Variants in ITGAD observed in about 807,000 individuals in gnomAD.
ITGAD encodes integrin alpha-D.
ITGAD carries 105 observed loss-of-function variants against 139.0 expected under a neutral mutation model. The observed-to-expected ratio is 0.76, with a 90% CI of 0.65 to 0.89. The LOEUF (loss-of-function observed/expected upper bound fraction) is 0.89. Among genes scored for constraint, ITGAD ranks in the 40% least tolerant of loss-of-function variants. ITGAD has a pLI of 0.00. For missense variants in ITGAD, 1,384 were observed against 1,487.3 expected, an observed-to-expected ratio of 0.93 and a Z score of 1.14; for synonymous variants, 569 against 598.3, an observed-to-expected ratio of 0.95 and a Z score of 0.71.
intron 20 of ITGAD, among the ~76,000 whole-genome samples, chr16:31,417,246 T>TTATG (rs2081915153): frequency 6.7e-6 from 1 of 148,636 alleles, no homozygotes; most frequent in South Asian, 2.1e-4. Context: ...ATTTATTTAT[T>TTATG]TATTTATTTT....
chr16:31,399,899 C>A (rs1435921813), intron 5 of ITGAD, among the ~76,000 whole-genome samples: 1 of 152,124 alleles, frequency 6.6e-6, no homozygotes, highest in Non-Finnish European at 1.5e-5. Flanking sequence ...GATATGAAAA[C>A]CAAGGTTCAG....
chr16:31,423,731 C>T (rs1445495567), intron 26 of ITGAD, 83 bp downstream of exon 26: 8 of 1,518,654 alleles, frequency 5.3e-6, no homozygotes, highest in East Asian at 2.3e-5. Flanking sequence ...CACAGAGTTC[C>T]GTGCATGTCC....
At chr16:31,410,248 G>A in intron 10 of ITGAD, 147 bp from the exon 11 acceptor site, 1 of 1,060,928 alleles carries the variant, frequency 9.4e-7, no homozygotes, top group Non-Finnish European at 1.4e-6. Context: ...TGTGGGGACA[G>A]GCAGAGGCAC....
intron 10 of ITGAD, among the ~76,000 whole-genome samples, chr16:31,409,888 T>C (rs4889655): frequency 0.63 from 90,347 of 143,566 alleles, 28,301 homozygotes; most frequent in Middle Eastern, 0.73. Flanking sequence ...TCACAGCCTG[T>C]GTGACAGAGC....
At position 31,424,142 on chromosome 16, in the gene ITGAD, T is replaced by G. The variant is rs1032505965; in HGVS notation, c.3200T>G (p.Ile1067Ser). The change falls in exon 28 of 30, where the codon ATT becomes AGT. Residue 1067 changes from isoleucine to serine, a missense_variant. By Grantham distance (142) the Ile-to-Ser change is moderately radical. Transcript: ENST00000389202. ...KKVLVVSVAE[I>S]TFDTSVYSQL... ...GTGTTGGTCGTGAGTGTGGCTGAAA[T>G]TACGTTCGACACATCCGTGTACTCC... 1.9e-6 allele frequency: 3 copies of G among 1,614,152 alleles called. No homozygotes were observed. The highest frequency in any genetic ancestry group is 1.6e-4 in the Middle Eastern group (1 of 6,062).
chr16:31,403,564 G>C lies in ITGAD; in HGVS notation c.623G>C (p.Ser208Thr). ...TTCACCTTCACCCAATTCCGGACCA[G>C]CCCGAGCCAGCAGAGCCTGGTGGAT... ...IHFTFTQFRT[S>T]PSQQSLVDPI... The change falls in exon 7 of 30, where the codon AGC (serine) becomes ACC (threonine). Residue 208 changes from serine (S) to threonine (T), a missense_variant. Physicochemically the swap from Ser to Thr is moderately conservative, Grantham distance 58. Coordinates refer to ENST00000389202, the MANE Select transcript of ITGAD (RefSeq NM_005353.3). The surrounding 1 kb of genome is among the most constrained non-coding windows in gnomAD (Gnocchi z 4.4). The C allele has an allele frequency of 6.2e-7, 1 of 1,614,168 alleles. No individual in the cohort carries two copies. The highest frequency in any genetic ancestry group is 8.5e-7 in the Non-Finnish European group (1 of 1,180,036).
rs1004477916 is a variant in ITGAD, at chr16:31,418,168, C to T, written c.2593C>T (p.Pro865Ser). Residue 865 changes from proline to serine, a missense_variant, in exon 21 of 30, where the codon CCC becomes TCC. By Grantham distance (74) the Pro-to-Ser change is moderately conservative. Transcript: ENST00000389202. ...LRSSRCSVNHPIFHEGSNGTF... is the reference protein window; with the variant it reads ...LRSSRCSVNHSIFHEGSNGTF... ...AAGCAGCCGCTGCAGTGTCAACCAC[C>T]CCATCTTCCATGAGGGCTCTAACGT... The T allele has an allele frequency of 1.9e-6, 3 of 1,614,068 alleles. No homozygotes were observed. The highest frequency in any genetic ancestry group is 1.7e-5 in the Admixed American group (1 of 60,026).
chr16:31,399,760 C>A (rs1301657579), intron 5 of ITGAD, among the ~76,000 whole-genome samples: 2 of 152,070 alleles, frequency 1.3e-5, no homozygotes, highest in African/African-American at 4.8e-5. Flanking sequence ...GGGTGTGGGT[C>A]CAAGTAGAAG....
Position 31,403,304 on chromosome 16 carries a change from T to C in ITGAD, c.559-196T>C. 1 of 595,198 alleles carries C rather than the reference T, an allele frequency of 1.7e-6. No homozygotes were observed. The highest frequency in any genetic ancestry group is 2.9e-6 in the Non-Finnish European group (1 of 345,538). The allele number at this position is 595,198 out of a possible 1,614,324, so 36.9% of individuals were successfully genotyped here. ...GCCTGGGCAACATAGTGAGACCTTG[T>C]CTCTACCAAAAACAAAACAAAACAA... On this transcript the variant is annotated intron_variant, in intron 6 of 29. Transcript: ENST00000389202. The surrounding 1 kb of genome is among the most constrained non-coding windows in gnomAD (Gnocchi z 4.4).
Position 31,408,578 on chromosome 16 carries a change from C to T in ITGAD, c.1083+80C>T, listed in dbSNP as rs1042382099. On this transcript the variant is annotated intron_variant, in intron 10 of 29. Coordinates refer to ENST00000389202, the MANE Select transcript of ITGAD (RefSeq NM_005353.3). ...CCTGGGCTGGGGGCTGGGAGCCAGACATAAACAAGAGCAGACCCCATCCTC... is the reference window on the plus strand; with the variant it reads ...CCTGGGCTGGGGGCTGGGAGCCAGATATAAACAAGAGCAGACCCCATCCTC... 11 of 1,292,416 alleles carry T rather than the reference C, an allele frequency of 8.5e-6. 1 individual carries two copies. In the African/African-American group the frequency reaches 1.6e-4, roughly 19 times the overall value. The allele number at this position is 1,292,416 out of a possible 1,614,324, so 80.1% of individuals were successfully genotyped here. A position where few individuals can be genotyped will look rare whatever the true frequency, so the allele number is the denominator to read the frequency against.
In ITGAD at chr16:31,407,523, T is replaced by C; in HGVS notation, c.713T>C (p.Leu238Pro). 6.3e-7 allele frequency: 1 copy of C among 1,592,460 alleles called. No individual in the cohort carries two copies. Among genetic ancestry groups the C allele is most frequent in the South Asian group, 1.1e-5 (1 of 88,036 alleles). ...ATGILTVVTQ[L>P]FHHKNGARKS... ...CCTTTCCTCCCCGACAGGACACAGC[T>C]ATTTCATCATAAGAATGGGGCCCGA... Residue 238 changes from leucine (L) to proline (P), a missense_variant, in exon 8 of 30, where the codon CTA (leucine) becomes CCA (proline). By Grantham distance (98) the Leu-to-Pro change is moderately conservative. Coordinates refer to ENST00000389202, the MANE Select transcript of ITGAD (RefSeq NM_005353.3).
rs555868150 is a variant in ITGAD, at chr16:31,425,776, G to A, written c.3373-239G>A. ...TGGCTCACGGCAACCTCTGCCTCCCGGGTTCAAGCGATTCTCTTGCCTCAG... is the reference window on the plus strand; with the variant it reads ...TGGCTCACGGCAACCTCTGCCTCCCAGGTTCAAGCGATTCTCTTGCCTCAG... On this transcript the variant is annotated intron_variant, in intron 29 of 29. Coordinates refer to ENST00000389202, the MANE Select transcript of ITGAD (RefSeq NM_005353.3). Among the ~76,000 whole-genome samples, 70 of 151,610 alleles carry A rather than the reference G, an allele frequency of 4.6e-4. No homozygotes were observed. The South Asian group carries it at 0.013, about 29-fold the overall frequency.
chr16:31,396,310 A>G (rs574722969), intron 2 of ITGAD, among the ~76,000 whole-genome samples: 1 of 152,244 alleles, frequency 6.6e-6, no homozygotes, highest in African/African-American at 2.4e-5. Context: ...TGTCTCTACT[A>G]AAAAATACAA....
chr16:31,416,233 TG>T lies in ITGAD; in HGVS notation c.2307del (p.Gln770LysfsTer21). Reference protein sequence around the residue: ...TASLPFEKNCGQDGLCEGDLG... With the variant: ...TASLPFEKNCXQDGLCEGDLG... ...TGCAGCTCCCCTTCGAGAAGAACTG[TG>T]GGCAAGATGGCCTCTGTGAAGGGGA... On this transcript the variant is annotated frameshift_variant, in exon 19 of 30. Coordinates refer to ENST00000389202, the MANE Select transcript of ITGAD (RefSeq NM_005353.3). LOFTEE classifies it high-confidence loss of function. 2 of 1,606,858 alleles carry T rather than the reference TG, an allele frequency of 1.2e-6. No individual in the cohort carries two copies. The highest frequency in any genetic ancestry group is 1.7e-6 in the Non-Finnish European group (2 of 1,175,666).
intron 2 of ITGAD, among the ~76,000 whole-genome samples, chr16:31,397,061 GGT>G (rs1491206310): frequency 2.0e-5 from 2 of 101,006 alleles, no homozygotes; most frequent in East Asian, 3.3e-4. Context: ...TCTTTAAATA[GGT>G]TTTTTTTTTT....
At chr16:31,400,259 A>G (rs1345743098) in intron 5 of ITGAD, among the ~76,000 whole-genome samples, 3 of 152,122 alleles carry the variant, frequency 2.0e-5, no homozygotes, top group Non-Finnish European at 4.4e-5. Flanking sequence ...GAAGGAAGTG[A>G]CCTTCTGTTT....
chr16:31,394,462 T>C, intron 2 of ITGAD, 121 bp downstream of exon 2: 1 of 625,440 alleles, frequency 1.6e-6, no homozygotes, highest in South Asian at 1.9e-5. Context: ...AAGTCTTCCC[T>C]TGGCTCCTTG....
rs749894388 is a variant in ITGAD at position 31,411,421 on chromosome 16, C to T, written c.1611C>T (p.Asp537=). Residue 537 remains aspartate (D), a synonymous_variant, in exon 14 of 30, where the codon GAC becomes GAT. Coordinates refer to ENST00000389202, the MANE Select transcript of ITGAD (RefSeq NM_005353.3). The part of the protein sequence containing the change: ...LGDVNEDKLI[D]VAIGAPGEQE... ...ATGTGAATGAGGACAAGCTGATAGA[C>T]GTGGCCATTGGGGCCCCGGGAGAGC... 6.9e-5 allele frequency: 112 copies of T among 1,613,834 alleles called. No homozygotes were observed. Among genetic ancestry groups the T allele is most frequent in the Middle Eastern group, 1.6e-4 (1 of 6,082 alleles).
In ITGAD at chr16:31,426,164, C is replaced by T. The variant is rs764668728; in HGVS notation, c.*36C>T. On this transcript the variant is annotated 3_prime_UTR_variant, in exon 30 of 30. Transcript: ENST00000389202. The stretch of plus-strand genomic sequence containing the variant: ...TCCTGTTTATCTCTACCACTGTGGG[C>T]TGGACTTGCTTGCAACCATAAATCA... The T allele has an allele frequency of 1.7e-5, 24 of 1,386,876 alleles. No individual in the cohort carries two copies. Among genetic ancestry groups the T allele is most frequent in the South Asian group, 2.4e-5 (2 of 84,468 alleles). 85.9% of individuals were successfully genotyped at this position (1,386,876 alleles called of 1,614,324 possible). A position where few individuals can be genotyped will look rare whatever the true frequency, so the allele number is the denominator to read the frequency against.
Sources: gnomAD v4.1 joint callset for allele counts (sites outside exome capture counted in the v4.1 genomes callset) on GRCh38, gnomAD v4.1.1 for gene constraint, Gnocchi (gnomAD v3.1) non-coding constraint, MANE v1.5 for transcripts, NCBI Gene and HGNC (gene_info 2026-07-23, HGNC 2026-07-21) for gene names.